The following FMO1 variants were observed in gnomAD, a reference collection of about 807,000 sequenced individuals.
The protein encoded by FMO1 is flavin-containing monooxygenase 1.
In FMO1, 36 loss-of-function variants were observed where a neutral mutation model predicts 45.4. The observed-to-expected ratio is 0.79, with a 90% confidence interval of 0.61 to 1.05. The LOEUF is 1.05. Ranked by LOEUF, FMO1 falls within the 50% of genes least tolerant of loss-of-function variation. FMO1 has a pLI of 0.00. For missense variants in FMO1, 615 were observed against 640.3 expected (o/e 0.96, Z 0.43); for synonymous variants, 228 against 227.2 (o/e 1.00, Z -0.03).
rs765757747 is a variant in FMO1 at position 171,282,076 on chromosome 1, ACT to A, written c.929_930del (p.Ser310CysfsTer4). ...CCAAGCATAAAAGAGGTAAAGGAAA[ACT>A]CTGTCATATTTAACAATACTTCAAA... On this transcript the variant is annotated frameshift_variant, in exon 7 of 9. Coordinates refer to ENST00000617670, the MANE Select transcript of FMO1 (RefSeq NM_001282693.2). LOFTEE classifies it high-confidence loss of function. 6.1e-5 allele frequency: 99 copies of A among 1,613,540 alleles called. No homozygotes were observed. The highest frequency in any genetic ancestry group is 8.2e-5 in the Non-Finnish European group (97 of 1,179,768).
intron 5 of FMO1, 102 bp downstream of exon 5, chr1:171,278,973 T>C: frequency 2.2e-6 from 2 of 909,504 alleles, no homozygotes; most frequent in Non-Finnish European, 3.0e-6. Flanking sequence ...ATAAAATGTC[T>C]CACATGCAAA....
chr1:171,258,033 G>A (rs1214501216), intron 1 of FMO1, 49 bp from the exon 2 acceptor site: 10 of 1,610,456 alleles, frequency 6.2e-6, no homozygotes, highest in South Asian at 1.1e-5. Flanking sequence ...GCAGCCAAGG[G>A]TGGGGTGGAG....
intron 3 of FMO1, among the ~76,000 whole-genome samples, chr1:171,272,699 G>C (rs1417188377): frequency 6.6e-6 from 1 of 152,164 alleles, no homozygotes; most frequent in Non-Finnish European, 1.5e-5. Flanking sequence ...ACTTGCATGG[G>C]GCCTGTAGCC....
rs115123300 is a variant in FMO1, at chr1:171,261,648, C to T, written c.132+3429C>T. Among the ~76,000 whole-genome samples, 510 of 152,184 alleles carry T rather than the reference C, an allele frequency of 3.4e-3. 2 individuals carry two copies. Among genetic ancestry groups the T allele is most frequent in the African/African-American group, 0.012 (484 of 41,512 alleles). On this transcript the variant is annotated intron_variant, in intron 2 of 8. Transcript: ENST00000617670. Reference sequence around the variant, plus strand: ...CCTGTAATCCCAGCTCTTAGGGTGGCAGAGGCAGGAGGATAGCTTGAGCCC... The same window carrying T: ...CCTGTAATCCCAGCTCTTAGGGTGGTAGAGGCAGGAGGATAGCTTGAGCCC...
chr1:171,252,057 T>G (rs183692093), intron 1 of FMO1, among the ~76,000 whole-genome samples: 1 of 152,256 alleles, frequency 6.6e-6, no homozygotes, highest in East Asian at 1.9e-4. Context: ...AATCACTCTG[T>G]CTAAATGCAA....
chr1:171,283,281 AAAAAAAAAAAAAAAAAG>A (rs1465627993), intron 8 of FMO1, 65 bp downstream of exon 8: 2 of 617,844 alleles, frequency 3.2e-6, no homozygotes, highest in African/African-American at 5.8e-5. Context: ...AAAAAAAAAA[AAAAAAAAAAAAAAAAAG>A]GAAATGAAAA....
In FMO1 at chr1:171,285,572, A is replaced by T. The variant is rs966590580; in HGVS notation, c.*28A>T. On this transcript the variant is annotated 3_prime_UTR_variant, in exon 9 of 9. Transcript: ENST00000617670. ...AAAAGATCTCCTAAATGGAAGATGC[A>T]CAGAGTAGATTTACAATGCTCCAAT... 3.0e-6 allele frequency: 4 copies of T among 1,311,520 alleles called. No homozygotes were observed. The South Asian group carries it at 5.9e-5, about 19-fold the overall frequency. 81.2% of individuals were successfully genotyped at this position (1,311,520 alleles called of 1,614,324 possible).
chr1:171,269,196 C>T (rs1160680114), intron 3 of FMO1, among the ~76,000 whole-genome samples: 1 of 152,042 alleles, frequency 6.6e-6, no homozygotes, highest in Non-Finnish European at 1.5e-5. Flanking sequence ...GAGTGGGGAG[C>T]TGGTGAAAAG....
Position 171,285,312 on chromosome 1 carries a change from A to T in FMO1, c.1367A>T (p.Asp456Val). The change falls in exon 9 of 9, where the codon GAT becomes GTT. Residue 456 changes from aspartate (D) to valine (V), a missense_variant. Physicochemically the swap from Asp to Val is radical, Grantham distance 152 (BLOSUM62 -3). Coordinates refer to ENST00000617670, the MANE Select transcript of FMO1 (RefSeq NM_001282693.2). ...AACCTGTTCTCTATGCTCCTAACGGATCCACATCTGGCTCTGACCGTCTTC... is the reference window on the plus strand; with the variant it reads ...AACCTGTTCTCTATGCTCCTAACGGTTCCACATCTGGCTCTGACCGTCTTC... Reference protein sequence around the residue: ...KPNLFSMLLTDPHLALTVFFG... With the variant: ...KPNLFSMLLTVPHLALTVFFG... 1 of 1,613,978 alleles carries T rather than the reference A, an allele frequency of 6.2e-7. No individual in the cohort carries two copies. The highest frequency in any genetic ancestry group is 8.5e-7 in the Non-Finnish European group (1 of 1,179,934).
At chr1:171,260,696 C>T (rs188143019) in intron 2 of FMO1, among the ~76,000 whole-genome samples, 30 of 151,730 alleles carry the variant, frequency 2.0e-4, no homozygotes, top group Non-Finnish European at 3.8e-4. Flanking sequence ...TTTGGAAGGC[C>T]GAGGTGGACA....
chr1:171,277,391 A>G (rs906685054), intron 4 of FMO1, among the ~76,000 whole-genome samples: 2 of 152,196 alleles, frequency 1.3e-5, no homozygotes, highest in African/African-American at 4.8e-5. Context: ...TACTTTTATC[A>G]TTCACATATA....
rs1352105577 is a variant in FMO1, at chr1:171,275,345, G to T, written c.322-1G>T. 1 of 1,611,790 alleles carries T rather than the reference G, an allele frequency of 6.2e-7. No homozygotes were observed. The highest frequency in any genetic ancestry group is 1.7e-5 in the Admixed American group (1 of 59,534). ...AATCATATCTGTGATTCTTTTTTCA[G>T]ACCAAAGTCTGCAGTGTAACAAAAT... is the stretch of plus-strand genomic sequence containing the variant. On this transcript the variant is annotated splice_acceptor_variant, in intron 3 of 8. Transcript: ENST00000617670. LOFTEE classifies it high-confidence loss of function.
At chr1:171,269,019 C>T (rs1195125097) in intron 3 of FMO1, among the ~76,000 whole-genome samples, 2 of 152,154 alleles carry the variant, frequency 1.3e-5, no homozygotes, top group Non-Finnish European at 2.9e-5. Context: ...CTGCCATGCA[C>T]GTAAGATGTG....
At chr1:171,249,716 A>T (rs576889521) in intron 1 of FMO1, among the ~76,000 whole-genome samples, 17 of 151,752 alleles carry the variant, frequency 1.1e-4, no homozygotes, top group Middle Eastern at 3.4e-3. Flanking sequence ...TGTGTGTGTG[A>T]GAGAGAGAGA....
chr1:171,264,093 T>G (rs1660500486), intron 2 of FMO1, among the ~76,000 whole-genome samples: 1 of 152,162 alleles, frequency 6.6e-6, no homozygotes. Context: ...TGTGATACAT[T>G]ATTTCACAAC....
At chr1:171,282,836 A>C in intron 7 of FMO1, 1 of 306,320 alleles carries the variant, frequency 3.3e-6, no homozygotes, top group Non-Finnish European at 5.9e-6. Flanking sequence ...CAGTTGACTG[A>C]ATCAACTGGC....
Position 171,257,434 on chromosome 1 carries a change from AC to A in FMO1, c.-6-645del, listed in dbSNP as rs370884771. 4.8e-4 allele frequency among the ~76,000 whole-genome samples: 72 copies of A among 150,110 alleles called. 1 individual carries two copies. The highest frequency in any genetic ancestry group is 1.4e-3 in the African/African-American group (56 of 40,884). On this transcript the variant is annotated intron_variant, in intron 1 of 8. Transcript: ENST00000617670. ...TTGCATGCCTACCTTTCTACCACAA[AC>A]CCTCCCTGGCAGCCACCCTCTCTCT...
intron 1 of FMO1, among the ~76,000 whole-genome samples, chr1:171,254,677 T>A (rs954953933): frequency 6.6e-6 from 1 of 152,124 alleles, no homozygotes; most frequent in Non-Finnish European, 1.5e-5. Context: ...TACTGTGGGG[T>A]CAGGCAGCTT....
At chr1:171,264,352 A>G (rs28360374) in intron 2 of FMO1, among the ~76,000 whole-genome samples, 2,218 of 148,198 alleles carry the variant, frequency 0.015, 27 homozygotes, top group Non-Finnish European at 0.025. Context: ...ACACACACAC[A>G]TTTATATATA....
Sources: gnomAD v4.1 joint callset for allele counts (sites outside exome capture counted in the v4.1 genomes callset) on GRCh38, gnomAD v4.1.1 for gene constraint, MANE v1.5 for transcripts, NCBI Gene and HGNC (gene_info 2026-07-23, HGNC 2026-07-21) for gene names.